Variants in STXBP6 observed in about 807,000 individuals in gnomAD.
STXBP6 encodes syntaxin-binding protein 6.
In STXBP6, 21 loss-of-function variants were observed where a neutral mutation model predicts 26.9. The ratio of observed to expected loss-of-function variants is 0.78; its 90% CI spans 0.55 to 1.12. The LOEUF is 1.12. STXBP6 is among the 50% of genes most tolerant of loss of function. STXBP6 has a pLI of 0.00. For synonymous variants in STXBP6, 97 were observed against 92.6 expected (o/e 1.05, Z -0.27); for missense variants, 232 against 257.9 (o/e 0.90, Z 0.69).
intron 1 of STXBP6, among the ~76,000 whole-genome samples, chr14:25,031,522 GACT>G (rs1276956844): frequency 6.6e-6 from 1 of 152,162 alleles, no homozygotes; most frequent in Admixed American, 6.5e-5. Context: ...TCTAGAGACA[GACT>G]ACTCCTCTGT....
intron 4 of STXBP6, among the ~76,000 whole-genome samples, chr14:24,821,653 T>C (rs1334057358): frequency 6.6e-6 from 1 of 152,182 alleles, no homozygotes. Context: ...TGAAGTCCCA[T>C]CACCTTTATT....
intron 2 of STXBP6, among the ~76,000 whole-genome samples, chr14:24,904,569 C>T (rs1225817616): frequency 6.6e-6 from 1 of 152,066 alleles, no homozygotes; most frequent in Non-Finnish European, 1.5e-5. Context: ...GGAGATAGGG[C>T]CTTTAAAAAG....
intron 2 of STXBP6, among the ~76,000 whole-genome samples, chr14:24,972,381 C>T (rs1239191472): frequency 1.3e-5 from 2 of 152,114 alleles, no homozygotes; most frequent in East Asian, 1.9e-4. Flanking sequence ...CTGTTAGAGT[C>T]CCTATATCAC....
chr14:24,842,574 C>T (rs2068815642), intron 4 of STXBP6, among the ~76,000 whole-genome samples: 1 of 152,106 alleles, frequency 6.6e-6, no homozygotes, highest in South Asian at 2.1e-4. Context: ...CCAAACTGCT[C>T]CAATATTCAA....
chr14:24,836,941 G>A (rs1284891098), intron 4 of STXBP6, among the ~76,000 whole-genome samples: 1 of 151,994 alleles, frequency 6.6e-6, no homozygotes, highest in Non-Finnish European at 1.5e-5. Context: ...TCATCAAATT[G>A]GCATTAGTTC....
intron 1 of STXBP6, among the ~76,000 whole-genome samples, chr14:25,005,638 A>G (rs1359025804): frequency 6.6e-6 from 1 of 152,226 alleles, no homozygotes; most frequent in Non-Finnish European, 1.5e-5. Flanking sequence ...TGGTGATACT[A>G]CACTTTTGTG....
At chr14:24,909,703 A>G (rs2071501900) in intron 2 of STXBP6, among the ~76,000 whole-genome samples, 1 of 151,400 alleles carries the variant, frequency 6.6e-6, no homozygotes, top group Non-Finnish European at 1.5e-5. Context: ...ATTCCAGAGC[A>G]TTGTACTTAC....
intron 2 of STXBP6, among the ~76,000 whole-genome samples, chr14:24,901,290 T>C (rs1595075243): frequency 6.6e-6 from 1 of 152,086 alleles, no homozygotes. Flanking sequence ...ACACTGTTTT[T>C]TGAGATTGAA....
At chr14:24,963,925 G>A (rs1282747184) in intron 2 of STXBP6, among the ~76,000 whole-genome samples, 1 of 123,982 alleles carries the variant, frequency 8.1e-6, no homozygotes, top group East Asian at 2.5e-4. Context: ...GGAATTAAAA[G>A]ACCACCCAGT....
rs1181069939 is a variant in STXBP6 at position 24,856,201 on chromosome 14, T to G, written c.286-100A>C. The G allele has an allele frequency of 4.2e-6, 5 of 1,196,688 alleles. No individual in the cohort carries two copies. The East Asian group carries it at 1.3e-4, about 32-fold the overall frequency. 74.1% of individuals were successfully genotyped at this position (1,196,688 alleles called of 1,614,324 possible). On this transcript the variant is annotated intron_variant, in intron 3 of 5. Transcript: ENST00000323944. ...ATTTATAAGGGCTAAAACAAAGACT[T>G]TGATCGCAATCATAAGGCTCATCTT...
Position 24,900,455 on chromosome 14 carries a change from C to T in STXBP6, c.155-43298G>A, listed in dbSNP as rs998437149. Among the ~76,000 whole-genome samples the T allele has an allele frequency of 2.6e-5, 4 of 152,272 alleles. No homozygotes were observed. The East Asian group carries it at 7.7e-4, about 29-fold the overall frequency. ...TGCCAACAGCAAGAAAGAAGCTCTGCGTATGCTTATTTTCTAATCTATCAC... is the reference window on the plus strand; with the variant it reads ...TGCCAACAGCAAGAAAGAAGCTCTGTGTATGCTTATTTTCTAATCTATCAC... On this transcript the variant is annotated intron_variant, in intron 2 of 5. Transcript: ENST00000323944.
intron 1 of STXBP6, among the ~76,000 whole-genome samples, chr14:24,993,066 A>G (rs56043615): frequency 0.054 from 8,249 of 152,046 alleles, 741 homozygotes; most frequent in African/African-American, 0.19. Context: ...CTAGCTTATG[A>G]TCTCTTCTCT....
chr14:25,036,037 G>A (rs1262838606), intron 1 of STXBP6, among the ~76,000 whole-genome samples: 1 of 151,902 alleles, frequency 6.6e-6, no homozygotes, highest in Non-Finnish European at 1.5e-5. Context: ...AGACAACATG[G>A]TGAAACCCCG....
chr14:24,987,854 C>G (rs1208863899), intron 1 of STXBP6: 58 of 985,500 alleles, frequency 5.9e-5, no homozygotes, highest in Non-Finnish European at 6.9e-5. Flanking sequence ...GGACAAAGAG[C>G]AGAGCAAAGC....
At chr14:24,982,571 A>G (rs2074225993) in intron 1 of STXBP6, among the ~76,000 whole-genome samples, 1 of 152,252 alleles carries the variant, frequency 6.6e-6, no homozygotes, top group Admixed American at 6.5e-5. Context: ...CTTTTCTGCC[A>G]TCAGACTGCC....
chr14:24,963,709 C>T (rs2073627298), intron 2 of STXBP6, among the ~76,000 whole-genome samples: 1 of 152,270 alleles, frequency 6.6e-6, no homozygotes, highest in South Asian at 2.1e-4. Context: ...ATTAAATGAA[C>T]TCTTTCTTCA....
chr14:24,975,614 C>T (rs1595230932), intron 1 of STXBP6, among the ~76,000 whole-genome samples: 2 of 152,154 alleles, frequency 1.3e-5, no homozygotes, highest in African/African-American at 4.8e-5. Flanking sequence ...TGTTATGCTC[C>T]TCTGGTTAAC....
At chr14:24,971,464 G>C (rs2073904326) in intron 2 of STXBP6, among the ~76,000 whole-genome samples, 1 of 152,170 alleles carries the variant, frequency 6.6e-6, no homozygotes, top group South Asian at 2.1e-4. Context: ...AACCACAATA[G>C]TTGAAGGGCC....
In STXBP6 at chr14:25,049,448, G is replaced by A. The variant is rs2075771829; in HGVS notation, c.-33+430C>T. 1.0e-6 allele frequency: 1 copy of A among 985,380 alleles called. No homozygotes were observed. Among genetic ancestry groups the A allele is most frequent in the Non-Finnish European group, 1.2e-6 (1 of 829,920 alleles). The allele number at this position is 985,380 out of a possible 1,614,324, so 61.0% of individuals were successfully genotyped here. On this transcript the variant is annotated intron_variant, in intron 1 of 5. Coordinates refer to ENST00000323944, the MANE Select transcript of STXBP6 (RefSeq NM_001394410.1). The surrounding 1 kb of genome is among the most constrained non-coding windows in gnomAD (Gnocchi z 5.6). ...AGATCGGAGTGATTCGCGGATTTCTGCGCTCAAGCTAGAGGCGCAGCGACC... is the reference window on the plus strand; with the variant it reads ...AGATCGGAGTGATTCGCGGATTTCTACGCTCAAGCTAGAGGCGCAGCGACC...
Sources: gnomAD v4.1 joint callset for allele counts (sites outside exome capture counted in the v4.1 genomes callset) on GRCh38, gnomAD v4.1.1 for gene constraint, Gnocchi (gnomAD v3.1) non-coding constraint, MANE v1.5 for transcripts, NCBI Gene and HGNC (gene_info 2026-07-23, HGNC 2026-07-21) for gene names.